The following VAV3 variants were observed in gnomAD, a reference collection of about 807,000 sequenced individuals.
VAV3 encodes the protein vav guanine nucleotide exchange factor 3.
In VAV3, 94 loss-of-function variants were observed where a neutral mutation model predicts 131.2. The ratio of observed to expected loss-of-function variants is 0.72; its 90% confidence interval spans 0.61 to 0.85. VAV3 has a LOEUF of 0.85. VAV3 is among the 40% of genes least tolerant of loss of function. The pLI is 0.00. For missense variants in VAV3, 939 were observed against 1,002.7 expected (o/e 0.94, Z 0.86); for synonymous variants, 349 against 342.0 (o/e 1.02, Z -0.22).
intron 2 of VAV3, among the ~76,000 whole-genome samples, chr1:107,870,305 T>C (rs1670194579): frequency 6.6e-6 from 1 of 152,122 alleles, no homozygotes. Flanking sequence ...TTTATTATTT[T>C]TTGGTTTCTT....
At chr1:107,654,594 C>G (rs1396421070) in intron 19 of VAV3, among the ~76,000 whole-genome samples, 1 of 152,028 alleles carries the variant, frequency 6.6e-6, no homozygotes, top group African/African-American at 2.4e-5. Flanking sequence ...TACTAACTCT[C>G]TCCCTGACCT....
At chr1:107,607,514 C>T (rs549530344) in intron 22 of VAV3, among the ~76,000 whole-genome samples, 1 of 152,248 alleles carries the variant, frequency 6.6e-6, no homozygotes, top group South Asian at 2.1e-4. Flanking sequence ...CTCTGCTAGG[C>T]TTGATCTTTC....
intron 2 of VAV3, among the ~76,000 whole-genome samples, chr1:107,852,431 AAAAC>A (rs1669269663): frequency 6.6e-6 from 1 of 152,188 alleles, no homozygotes; most frequent in Admixed American, 6.5e-5. Context: ...TAGCCACTGA[AAAAC>A]AAACACAGTT....
At chr1:107,842,054 T>G (rs894861969) in intron 2 of VAV3, among the ~76,000 whole-genome samples, 7 of 152,316 alleles carry the variant, frequency 4.6e-5, no homozygotes, top group African/African-American at 1.7e-4. Flanking sequence ...ATACTACCAT[T>G]GCTCATGCCC....
intron 2 of VAV3, among the ~76,000 whole-genome samples, chr1:107,836,529 A>G (rs1420615442): frequency 6.6e-6 from 1 of 152,200 alleles, no homozygotes; most frequent in Non-Finnish European, 1.5e-5. Flanking sequence ...GAAAAACAAG[A>G]ACAAAACAAG....
intron 19 of VAV3, among the ~76,000 whole-genome samples, chr1:107,656,280 C>A (rs1036643036): frequency 1.4e-4 from 21 of 151,922 alleles, no homozygotes; most frequent in Non-Finnish European, 1.3e-4. Flanking sequence ...ATACATGCAG[C>A]CATAAAAAGG....
chr1:107,938,712 G>A (rs1246740862), intron 1 of VAV3, among the ~76,000 whole-genome samples: 1 of 152,168 alleles, frequency 6.6e-6, no homozygotes, highest in Non-Finnish European at 1.5e-5. Context: ...ATGTCAACAA[G>A]TAGCTTTGAT....
At chr1:107,869,749 C>T (rs1444265389) in intron 2 of VAV3, among the ~76,000 whole-genome samples, 9 of 152,118 alleles carry the variant, frequency 5.9e-5, no homozygotes, top group Admixed American at 5.9e-4. Context: ...ACCAATCACC[C>T]GAGCAGTATA....
intron 1 of VAV3, among the ~76,000 whole-genome samples, chr1:107,946,030 G>C (rs2101304291): frequency 6.6e-6 from 1 of 152,192 alleles, no homozygotes; most frequent in East Asian, 1.9e-4. Flanking sequence ...GGGGAGGGCA[G>C]CAGGGTCCAT....
intron 12 of VAV3, among the ~76,000 whole-genome samples, chr1:107,754,524 G>C (rs1442947600): frequency 1.3e-5 from 2 of 152,150 alleles, no homozygotes; most frequent in Non-Finnish European, 2.9e-5. Flanking sequence ...CAGCTTGCTG[G>C]CTGGGCTGCC....
intron 20 of VAV3, among the ~76,000 whole-genome samples, chr1:107,624,774 G>C (rs1653883742): frequency 1.3e-5 from 2 of 152,174 alleles, no homozygotes; most frequent in African/African-American, 4.8e-5. Context: ...AAAAGCAAAA[G>C]TAGTGCTTTA....
intron 1 of VAV3, among the ~76,000 whole-genome samples, chr1:107,903,794 C>T (rs1280581356): frequency 6.6e-6 from 1 of 152,184 alleles, no homozygotes; most frequent in Non-Finnish European, 1.5e-5. Flanking sequence ...TTTCTGAGAA[C>T]TGACACCTCC....
intron 17 of VAV3, 135 bp downstream of exon 17, chr1:107,704,415 T>A: frequency 3.2e-6 from 2 of 622,892 alleles, no homozygotes; most frequent in Non-Finnish European, 5.4e-6. Context: ...TTTTTCTAAT[T>A]GTGCTTATAA....
intron 17 of VAV3, among the ~76,000 whole-genome samples, chr1:107,699,942 T>A (rs1421124219): frequency 6.6e-6 from 1 of 152,148 alleles, no homozygotes; most frequent in African/African-American, 2.4e-5. Context: ...GGATTCTTGG[T>A]GAAGGTGGGC....
At chr1:107,865,477 C>T (rs1219425806) in intron 2 of VAV3, among the ~76,000 whole-genome samples, 2 of 152,090 alleles carry the variant, frequency 1.3e-5, no homozygotes, top group Non-Finnish European at 2.9e-5. Flanking sequence ...AAAGGCATTC[C>T]AGGCAAAGGA....
At chr1:107,684,519 T>A (rs1179829284) in intron 18 of VAV3, among the ~76,000 whole-genome samples, 1 of 152,194 alleles carries the variant, frequency 6.6e-6, no homozygotes, top group East Asian at 1.9e-4. Flanking sequence ...GAAATGAGGT[T>A]TTTTTCCAGC....
At chr1:107,744,181 C>T (rs2102031696) in intron 15 of VAV3, among the ~76,000 whole-genome samples, 1 of 152,326 alleles carries the variant, frequency 6.6e-6, no homozygotes, top group South Asian at 2.1e-4. Context: ...CTCCATCCCC[C>T]ATTCTCATTC....
At chr1:107,840,171 G>C (rs1668634999) in intron 2 of VAV3, among the ~76,000 whole-genome samples, 1 of 152,124 alleles carries the variant, frequency 6.6e-6, no homozygotes, top group African/African-American at 2.4e-5. Context: ...ATGTTTTGCT[G>C]TTAGCCTGTA....
intron 1 of VAV3, among the ~76,000 whole-genome samples, chr1:107,946,120 T>C (rs1361898242): frequency 2.0e-5 from 3 of 152,064 alleles, no homozygotes; most frequent in Non-Finnish European, 4.4e-5. Context: ...TTTATCAAGA[T>C]TACTGACAAT....
Sources: allele counts gnomAD v4.1 joint callset (sites outside exome capture counted in the v4.1 genomes callset), GRCh38; gene constraint gnomAD v4.1.1; transcripts MANE v1.5; gene names NCBI Gene and HGNC (gene_info 2026-07-23, HGNC 2026-07-21).